The following FGD1 variants were observed in gnomAD, a reference collection of about 807,000 sequenced individuals.
FGD1 encodes the protein FYVE, RhoGEF and PH domain-containing protein 1.
A neutral mutation model predicts 65.0 loss-of-function variants in FGD1; 12 were observed. The ratio of observed to expected loss-of-function variants is 0.18; its 90% CI spans 0.12 to 0.30. The LOEUF (loss-of-function observed/expected upper bound fraction) is 0.30. Among genes scored for constraint, FGD1 ranks in the 10% least tolerant of loss-of-function variants. FGD1 has a pLI of 1.00. For synonymous variants in FGD1, 333 were observed against 343.9 expected (o/e 0.97, Z 0.35); for missense variants, 542 against 837.6 (o/e 0.65, Z 4.36).
Position 54,456,155 on chromosome X carries a change from G to A in FGD1, c.1842+65C>T. On this transcript the variant is annotated intron_variant, in intron 10 of 17. Transcript: ENST00000375135. ...AGGTATAGTCTTTGAGTGAGTACCA[G>A]GTCACTATGTGTGTGTGTGTTGGGA... 3 of 1,143,051 alleles carry A rather than the reference G, an allele frequency of 2.6e-6. No homozygotes were observed. In the Middle Eastern group the frequency reaches 7.6e-4, roughly 290 times the overall value. The allele number at this position is 1,143,051 out of a possible 1,213,427, so 94.2% of individuals were successfully genotyped here.
chrX:54,450,981 G>A (rs1374909276), intron 12 of FGD1, among the ~76,000 whole-genome samples: 4 of 110,307 alleles, frequency 3.6e-5, no homozygotes, highest in Admixed American at 9.6e-5. Flanking sequence ...CCCAGGAGGC[G>A]GAGGTTGCAG....
intron 4 of FGD1, among the ~76,000 whole-genome samples, chrX:54,469,586 C>T (rs552577960): frequency 1.8e-5 from 2 of 112,045 alleles, no homozygotes; most frequent in South Asian, 3.7e-4. Flanking sequence ...CCTGCCATGC[C>T]GGCAGTCCCT....
At chrX:54,487,125 C>T (rs1277988029) in intron 1 of FGD1, among the ~76,000 whole-genome samples, 2 of 109,770 alleles carry the variant, frequency 1.8e-5, no homozygotes, top group African/African-American at 3.3e-5. Flanking sequence ...CGTGCCTCAG[C>T]GTCCTGAGCA....
At chrX:54,456,638 G>GTTTT in intron 8 of FGD1, 71 bp from the exon 9 acceptor site, 5 of 735,693 alleles carry the variant, frequency 6.8e-6, no homozygotes, top group Non-Finnish European at 5.8e-6. Context: ...TTTGTTTTTT[G>GTTTT]TTTTTTTTTT....
At position 54,470,346 on chromosome X, in the gene FGD1, G is replaced by A. The variant is rs757589705; in HGVS notation, c.771C>T (p.Pro257=). The A allele has an allele frequency of 6.6e-6, 8 of 1,208,829 alleles. No individual in the cohort carries two copies. Among genetic ancestry groups the A allele is most frequent in the Admixed American group, 2.2e-5 (1 of 45,803 alleles). ...ACAGGCAGCGGGAGGCCTCACCCTC[G>A]GGGAGCTGGGGCACTGGTGGCTGCG... is the stretch of plus-strand genomic sequence containing the variant. ...PTSQPPVPQL[P]EGEASRCLFL... Residue 257 remains proline (P), a synonymous_variant, in exon 4 of 18, where the codon CCC becomes CCT. Transcript: ENST00000375135.
intron 12 of FGD1, among the ~76,000 whole-genome samples, chrX:54,451,984 A>G (rs1454984417): frequency 9.0e-6 from 1 of 110,757 alleles, no homozygotes; most frequent in African/African-American, 3.3e-5. Context: ...AAGAGCCACA[A>G]TAGACGGAGT....
intron 1 of FGD1, among the ~76,000 whole-genome samples, chrX:54,481,157 A>G (rs1425079817): frequency 9.1e-6 from 1 of 109,780 alleles, no homozygotes; most frequent in African/African-American, 3.3e-5. Context: ...TGCAGGTCCT[A>G]TCTCCCACTC....
chrX:54,462,120 C>CCATAGGGCCCATCCCAGA (rs1481918349), intron 8 of FGD1, among the ~76,000 whole-genome samples: 1 of 111,409 alleles, frequency 9.0e-6, no homozygotes, highest in African/African-American at 3.3e-5. Context: ...AGATGTCAGT[C>CCATAGGGCCCATCCCAGA]CATAGGGCCC....
intron 6 of FGD1, 108 bp from the exon 7 acceptor site, chrX:54,465,960 A>G: frequency 2.2e-6 from 2 of 905,446 alleles, no homozygotes; most frequent in Non-Finnish European, 3.1e-6. Flanking sequence ...AGTCCTAGAA[A>G]CCTACTTCTC....
At position 54,448,917 on chromosome X, in the gene FGD1, G is replaced by C; in HGVS notation, c.2325C>G (p.Asn775Lys). Residue 775 changes from asparagine (N) to lysine (K), a missense_variant, in exon 16 of 18, where the codon AAC (asparagine) becomes AAG (lysine). Physicochemically the swap from Asn to Lys is moderately conservative, Grantham distance 94. Transcript: ENST00000375135. ...CAGTGCACACACGGTTGGAGCGGTT[G>C]TTGTCATAGACGAGGCGGGCCCGGA... ...SEFRARLVYDNNRSNRVCTDC... is the reference protein window; with the variant it reads ...SEFRARLVYDKNRSNRVCTDC... 8.3e-7 allele frequency: 1 copy of C among 1,211,707 alleles called. No homozygotes were observed. Among genetic ancestry groups the C allele is most frequent in the Non-Finnish European group, 1.1e-6 (1 of 895,397 alleles).
rs774344804 is a variant in FGD1 at position 54,449,285 on chromosome X, G to A, written c.2149-17C>T. On this transcript the variant is annotated splice_polypyrimidine_tract_variant and intron_variant, in intron 14 of 17. Coordinates refer to ENST00000375135, the MANE Select transcript of FGD1 (RefSeq NM_004463.3). Reference sequence around the variant, plus strand: ...ATCCACGTTCTGTAGGGAGGGCCAGGTCTCAGGTCAGAGACAGCTACTCCC... The same window carrying A: ...ATCCACGTTCTGTAGGGAGGGCCAGATCTCAGGTCAGAGACAGCTACTCCC... 5.0e-6 allele frequency: 6 copies of A among 1,210,455 alleles called. No homozygotes were observed. The South Asian group carries it at 1.1e-4, about 21-fold the overall frequency.
At chrX:54,451,085 G>GT (rs5902526) in intron 12 of FGD1, among the ~76,000 whole-genome samples, 17,948 of 109,061 alleles carry the variant, frequency 0.16, 3,055 homozygotes, top group African/African-American at 0.51. Context: ...TGGGTGTCAA[G>GT]TTGAGAAAAG....
intron 6 of FGD1, among the ~76,000 whole-genome samples, chrX:54,466,108 C>T (rs1460897813): frequency 8.9e-6 from 1 of 111,949 alleles, no homozygotes; most frequent in Non-Finnish European, 1.9e-5. Context: ...AAGTACTCAC[C>T]CTGAGACCTT....
At chrX:54,490,656 G>A (rs951305202) in intron 1 of FGD1, among the ~76,000 whole-genome samples, 1 of 111,050 alleles carries the variant, frequency 9.0e-6, no homozygotes, top group South Asian at 3.8e-4. Context: ...TGTACCCCCA[G>A]GCGTTTCGAA....
rs767538655 is a variant in FGD1, at chrX:54,471,330, C to T, written c.465G>A (p.Pro155=). Residue 155 remains proline, a synonymous_variant, in exon 2 of 18, where the codon CCG becomes CCA. Transcript: ENST00000375135. ...SQRPSPLKRA[P]GPKPQVPPKP... The stretch of plus-strand genomic sequence containing the variant: ...ACCACTTACCCTGTGGCTTCGGGCC[C>T]GGTGCCCGCTTCAGTGGTGAAGGAC... The T allele has an allele frequency of 1.7e-5, 20 of 1,210,728 alleles. No homozygotes were observed. The highest frequency in any genetic ancestry group is 3.0e-5 in the East Asian group (1 of 33,842).
At chrX:54,493,730 G>GT (rs1002317282) in intron 1 of FGD1, among the ~76,000 whole-genome samples, 1 of 112,296 alleles carries the variant, frequency 8.9e-6, no homozygotes, top group Non-Finnish European at 1.9e-5. Context: ...AGGCCAAGGT[G>GT]TTAAGGGCCT....
intron 1 of FGD1, among the ~76,000 whole-genome samples, chrX:54,482,236 G>GCGCGCACACACACACACACA (rs796491256): frequency 6.0e-5 from 6 of 99,365 alleles, no homozygotes; most frequent in African/African-American, 2.3e-4. Context: ...GCACACGCGC[G>GCGCGCACACACACACACACA]CACACACACA....
intron 8 of FGD1, among the ~76,000 whole-genome samples, chrX:54,463,502 A>AAAGATTATTGCAAAAG (rs1922685392): frequency 8.9e-6 from 1 of 111,907 alleles, no homozygotes; most frequent in African/African-American, 3.2e-5. Flanking sequence ...AAGGCTTCTA[A>AAAGATTATTGCAAAAG]CTGATCTCTC....
intron 4 of FGD1, among the ~76,000 whole-genome samples, chrX:54,469,477 G>C: frequency 8.9e-6 from 1 of 112,330 alleles, no homozygotes; most frequent in Non-Finnish European, 1.9e-5. Context: ...AGGGCTTGCT[G>C]AGTACCTGGG....
Sources: gnomAD v4.1 joint callset for allele counts (sites outside exome capture counted in the v4.1 genomes callset) on GRCh38, gnomAD v4.1.1 for gene constraint, MANE v1.5 for transcripts, NCBI Gene and HGNC (gene_info 2026-07-23, HGNC 2026-07-21) for gene names.